CALD1: variants seen among roughly 807,000 people sequenced by gnomAD.
CALD1 encodes caldesmon.
In CALD1, 33 loss-of-function variants were observed where a neutral mutation model predicts 99.9. That is an observed-to-expected ratio of 0.33 (90% CI 0.25 to 0.44). CALD1 has a LOEUF of 0.44. CALD1 is among the 20% of genes least tolerant of loss of function. The pLI, the probability that CALD1 is intolerant of heterozygous loss-of-function variation, is 1.00. For missense variants in CALD1, 861 were observed against 962.1 expected (o/e 0.89, Z 1.39); for synonymous variants, 310 against 325.0 (o/e 0.95, Z 0.50).
chr7:134,846,338 T>C (rs1239741313), intron 2 of CALD1, among the ~76,000 whole-genome samples: 1 of 152,194 alleles, frequency 6.6e-6, no homozygotes, highest in Non-Finnish European at 1.5e-5. Flanking sequence ...CCACTCCACC[T>C]GTTCCCCAGA....
intron 3 of CALD1, among the ~76,000 whole-genome samples, chr7:134,884,138 A>C (rs918858402): frequency 7.3e-5 from 11 of 151,436 alleles, no homozygotes; most frequent in South Asian, 6.3e-4. Flanking sequence ...CCAGTAGAAG[A>C]AGCCTGCATG....
intron 1 of CALD1, among the ~76,000 whole-genome samples, chr7:134,828,421 T>G (rs1191048909): frequency 6.6e-6 from 1 of 152,196 alleles, no homozygotes; most frequent in Non-Finnish European, 1.5e-5. Context: ...ATTTGCTTGC[T>G]TCTTATTGAA....
the CALD1 span, among the ~76,000 whole-genome samples, chr7:134,717,931 G>T: frequency 1.3e-5 from 2 of 152,170 alleles, no homozygotes; most frequent in Non-Finnish European, 2.9e-5. Flanking sequence ...AAGAGAAAAT[G>T]CTAGCAATAT....
At chr7:134,727,238 T>G in the CALD1 span, among the ~76,000 whole-genome samples, 1 of 152,232 alleles carries the variant, frequency 6.6e-6, no homozygotes, top group South Asian at 2.1e-4. Context: ...AAAGATCTGT[T>G]CCATGGATTC....
At chr7:134,776,591 A>G (rs908501634), upstream of CALD1, among the ~76,000 whole-genome samples, 1 of 152,118 alleles carries the variant, frequency 6.6e-6, no homozygotes. Flanking sequence ...TTTGTGTCCA[A>G]TTTTGATATC....
chr7:134,715,067 C>T, the CALD1 span, among the ~76,000 whole-genome samples: 1 of 152,184 alleles, frequency 6.6e-6, no homozygotes, highest in African/African-American at 2.4e-5. Flanking sequence ...ATATGTTACC[C>T]ATGGGGCAAG....
chr7:134,933,055 T>C lies in CALD1; in HGVS notation c.286T>C (p.Phe96Leu). 1.2e-6 allele frequency: 2 copies of C among 1,613,878 alleles called. No individual in the cohort carries two copies. The highest frequency in any genetic ancestry group is 8.5e-7 in the Non-Finnish European group (1 of 1,179,968). The change falls in exon 5 of 15, where the codon TTC (phenylalanine) becomes CTC (leucine). Residue 96 changes from phenylalanine to leucine, a missense_variant. Transcript: ENST00000361675. The stretch of plus-strand genomic sequence containing the variant: ...AGTGGAAGGGGATGATGAGGCCGCA[T>C]TCCTGGAGCGCCTGGCTCGGCGTGA... ...TQVEGDDEAA[F>L]LERLARREER...
At chr7:134,832,832 G>C (rs1799285124) in intron 1 of CALD1, among the ~76,000 whole-genome samples, 1 of 152,162 alleles carries the variant, frequency 6.6e-6, no homozygotes, top group African/African-American at 2.4e-5. Context: ...TGTAGTTGTA[G>C]CTCTGCTCAA....
intron 3 of CALD1, among the ~76,000 whole-genome samples, chr7:134,905,440 C>T (rs1803299393): frequency 6.6e-6 from 1 of 152,088 alleles, no homozygotes; most frequent in Non-Finnish European, 1.5e-5. Context: ...CACTCACTTG[C>T]CCACTTCCTC....
At chr7:134,798,548 TTTGACA>T (rs1435832807) in intron 1 of CALD1, among the ~76,000 whole-genome samples, 2 of 152,230 alleles carry the variant, frequency 1.3e-5, no homozygotes, top group African/African-American at 2.4e-5. Flanking sequence ...TTGTGAGAGC[TTTGACA>T]TTAATAGAAG....
At chr7:134,870,996 C>T (rs1474642975) in intron 3 of CALD1, among the ~76,000 whole-genome samples, 1 of 152,130 alleles carries the variant, frequency 6.6e-6, no homozygotes, top group Non-Finnish European at 1.5e-5. Context: ...AAGCTGAAAT[C>T]AAGGCCATCT....
intron 2 of CALD1, among the ~76,000 whole-genome samples, chr7:134,861,912 G>T (rs755347711): frequency 6.6e-6 from 1 of 152,060 alleles, no homozygotes; most frequent in Non-Finnish European, 1.5e-5. Context: ...TAATGAAGAA[G>T]GTACAATATA....
chr7:134,773,782 C>CTGTGTG (rs36104737), intron 1 of CALD1, among the ~76,000 whole-genome samples: 2,466 of 138,698 alleles, frequency 0.018, 45 homozygotes, highest in African/African-American at 0.047. Flanking sequence ...AACCTCTCTT[C>CTGTGTG]TGTGTGTGTG....
intron 2 of CALD1, among the ~76,000 whole-genome samples, chr7:134,861,123 C>T (rs1377040276): frequency 6.6e-6 from 1 of 152,178 alleles, no homozygotes; most frequent in Non-Finnish European, 1.5e-5. Context: ...TCCAGCTTTG[C>T]TGGCTCAAGC....
intron 1 of CALD1, among the ~76,000 whole-genome samples, chr7:134,812,027 C>T (rs1455434032): frequency 6.6e-6 from 1 of 152,126 alleles, no homozygotes; most frequent in South Asian, 2.1e-4. Context: ...ATTTAAATAT[C>T]CACTCGGCAT....
chr7:134,729,754 CA>C, the CALD1 span, among the ~76,000 whole-genome samples: 1 of 152,230 alleles, frequency 6.6e-6, no homozygotes, highest in Non-Finnish European at 1.5e-5. Context: ...AGGCAGAGGA[CA>C]GGGGCAATAT....
At chr7:134,916,757 C>T (rs147088867) in intron 3 of CALD1, among the ~76,000 whole-genome samples, 169 of 152,210 alleles carry the variant, frequency 1.1e-3, no homozygotes, top group African/African-American at 3.8e-3. Flanking sequence ...AGATGTTTAC[C>T]GATGTGATAG....
chr7:134,789,004 G>C (rs1797415018), intron 1 of CALD1, among the ~76,000 whole-genome samples: 1 of 128,602 alleles, frequency 7.8e-6, no homozygotes, highest in Non-Finnish European at 1.6e-5. Context: ...GACACAGTGA[G>C]ACCCTGTCTC....
At chr7:134,895,292 A>G (rs1186371785) in intron 3 of CALD1, among the ~76,000 whole-genome samples, 1 of 133,496 alleles carries the variant, frequency 7.5e-6, no homozygotes, top group Non-Finnish European at 1.6e-5. Flanking sequence ...TTGGTTTTAT[A>G]TATGTATGTG....
Sources: allele counts gnomAD v4.1 joint callset (sites outside exome capture counted in the v4.1 genomes callset), GRCh38; gene constraint gnomAD v4.1.1; transcripts MANE v1.5; gene names NCBI Gene and HGNC (gene_info 2026-07-23, HGNC 2026-07-21).